SLX4IP: variants seen among roughly 807,000 people sequenced by gnomAD.
SLX4IP encodes SLX4 interacting protein.
Under a neutral mutation model 32.9 loss-of-function variants are expected in SLX4IP, and 34 were observed. That is an observed-to-expected ratio of 1.03 (90% confidence interval 0.79 to 1.38). The LOEUF (loss-of-function observed/expected upper bound fraction) is 1.38, where lower values mean the gene tolerates loss of function less well. Among genes scored for constraint, SLX4IP ranks in the 40% most tolerant of loss-of-function variants. The probability of loss-of-function intolerance (pLI) is 0.00; values close to 1 mark genes in which losing one functional copy is unlikely to be tolerated. For missense variants in SLX4IP, 444 were observed against 479.0 expected (o/e 0.93, Z 0.68); for synonymous variants, 172 against 171.7 (o/e 1.00, Z -0.01).
At chr20:10,577,332 CTTT>C (rs534493623) in intron 4 of SLX4IP, among the ~76,000 whole-genome samples, 44 of 152,172 alleles carry the variant, frequency 2.9e-4, no homozygotes, top group Admixed American at 2.4e-3. Flanking sequence ...CTTATTCAAT[CTTT>C]TTTTCCTCTA....
intron 2 of SLX4IP, among the ~76,000 whole-genome samples, chr20:10,551,282 A>G (rs115337877): frequency 6.1e-4 from 93 of 152,338 alleles, no homozygotes; most frequent in African/African-American, 2.1e-3. Context: ...TTCACGAAAT[A>G]TGAAAAATGA....
intron 1 of SLX4IP, among the ~76,000 whole-genome samples, chr20:10,444,718 C>T (rs981284415): frequency 6.6e-6 from 1 of 152,130 alleles, no homozygotes; most frequent in Non-Finnish European, 1.5e-5. Flanking sequence ...TCTTGCTGTA[C>T]CCTCACATAA....
intron 2 of SLX4IP, among the ~76,000 whole-genome samples, chr20:10,496,649 TG>T (rs1458156407): frequency 6.7e-6 from 1 of 149,064 alleles, no homozygotes; most frequent in Non-Finnish European, 1.5e-5. Context: ...AGGAGGGAAT[TG>T]GGAAAGGCCA....
At chr20:10,603,268 C>A (rs1327631749) in intron 6 of SLX4IP, among the ~76,000 whole-genome samples, 1 of 152,154 alleles carries the variant, frequency 6.6e-6, no homozygotes, top group Non-Finnish European at 1.5e-5. Context: ...TACTTAGTAT[C>A]TTAAATTATT....
intron 2 of SLX4IP, among the ~76,000 whole-genome samples, chr20:10,488,583 T>C (rs1223914330): frequency 1.3e-5 from 2 of 152,174 alleles, no homozygotes; most frequent in Admixed American, 6.5e-5. Context: ...TGTAAAATGC[T>C]GAGCAAGCCT....
At chr20:10,480,236 A>G (rs2065509990) in intron 2 of SLX4IP, among the ~76,000 whole-genome samples, 1 of 152,088 alleles carries the variant, frequency 6.6e-6, no homozygotes, top group Non-Finnish European at 1.5e-5. Context: ...CTACAAAAAA[A>G]TACAAAATAT....
At chr20:10,507,268 C>T (rs151088248) in intron 2 of SLX4IP, among the ~76,000 whole-genome samples, 3 of 152,230 alleles carry the variant, frequency 2.0e-5, no homozygotes, top group African/African-American at 4.8e-5. Flanking sequence ...GTGAAGAACC[C>T]GTCATGTGTA....
intron 2 of SLX4IP, among the ~76,000 whole-genome samples, chr20:10,536,787 T>C (rs2066050113): frequency 6.6e-6 from 1 of 152,252 alleles, no homozygotes; most frequent in Admixed American, 6.5e-5. Context: ...GTTTAAAATG[T>C]TGTAATGTAT....
intron 6 of SLX4IP, among the ~76,000 whole-genome samples, chr20:10,615,460 A>C (rs891143973): frequency 6.6e-6 from 1 of 151,832 alleles, no homozygotes; most frequent in Non-Finnish European, 1.5e-5. Context: ...TCATCTTCTC[A>C]ACTTCTTTTA....
intron 4 of SLX4IP, among the ~76,000 whole-genome samples, chr20:10,590,884 A>ATT (rs2066701527): frequency 6.6e-6 from 1 of 152,262 alleles, no homozygotes; most frequent in Non-Finnish European, 1.5e-5. Flanking sequence ...AATTTAAGTT[A>ATT]GAGATTGCAA....
chr20:10,510,579 G>GTTATTA (rs949994949), intron 2 of SLX4IP, among the ~76,000 whole-genome samples: 10 of 149,486 alleles, frequency 6.7e-5, no homozygotes, highest in East Asian at 3.9e-4. Context: ...AATTATTGTT[G>GTTATTA]TTATTATTAT....
At chr20:10,548,628 C>T (rs2066188862) in intron 2 of SLX4IP, among the ~76,000 whole-genome samples, 2 of 152,208 alleles carry the variant, frequency 1.3e-5, no homozygotes, top group Non-Finnish European at 2.9e-5. Context: ...TGTACCCCAC[C>T]TGACAAGTAT....
chr20:10,490,309 C>T (rs961218358), intron 2 of SLX4IP, among the ~76,000 whole-genome samples: 5 of 151,672 alleles, frequency 3.3e-5, no homozygotes, highest in Non-Finnish European at 4.4e-5. Flanking sequence ...ATTCCATTTC[C>T]GGGTCTGTCC....
intron 2 of SLX4IP, among the ~76,000 whole-genome samples, chr20:10,478,233 A>G (rs992819044): frequency 6.6e-6 from 1 of 152,198 alleles, no homozygotes; most frequent in African/African-American, 2.4e-5. Flanking sequence ...TGTGACAGCA[A>G]AAGAAAGGGA....
At chr20:10,466,595 AACTCGG>A (rs901836802) in intron 2 of SLX4IP, among the ~76,000 whole-genome samples, 5 of 152,256 alleles carry the variant, frequency 3.3e-5, no homozygotes, top group Admixed American at 2.6e-4. Context: ...TTTAAGGAAA[AACTCGG>A]ACCCGCCAGA....
At chr20:10,487,178 C>A (rs1188612683) in intron 2 of SLX4IP, among the ~76,000 whole-genome samples, 2 of 152,170 alleles carry the variant, frequency 1.3e-5, no homozygotes, top group Non-Finnish European at 2.9e-5. Flanking sequence ...CCAGTCTAGT[C>A]CTGCTCAGCT....
At chr20:10,473,452 A>G (rs1199750417) in intron 2 of SLX4IP, among the ~76,000 whole-genome samples, 1 of 152,226 alleles carries the variant, frequency 6.6e-6, no homozygotes, top group Non-Finnish European at 1.5e-5. Context: ...GCACAGTACC[A>G]AGTAACCATT....
chr20:10,591,770 A>C (rs1446063601), intron 4 of SLX4IP, among the ~76,000 whole-genome samples: 1 of 152,192 alleles, frequency 6.6e-6, no homozygotes, highest in Non-Finnish European at 1.5e-5. Flanking sequence ...ATTTAATGTT[A>C]AGGGCCTTTT....
intron 2 of SLX4IP, among the ~76,000 whole-genome samples, chr20:10,485,916 A>G (rs957548326): frequency 6.6e-6 from 1 of 152,126 alleles, no homozygotes; most frequent in African/African-American, 2.4e-5. Context: ...TGTTATCTTC[A>G]TATTGAGTCG....
Sources: gnomAD v4.1 joint callset for allele counts (sites outside exome capture counted in the v4.1 genomes callset) on GRCh38, gnomAD v4.1.1 for gene constraint, MANE v1.5 for transcripts, NCBI Gene and HGNC (gene_info 2026-07-23, HGNC 2026-07-21) for gene names.